KCNH8: variants seen among roughly 807,000 people sequenced by gnomAD.
KCNH8 encodes potassium voltage-gated channel subfamily H member 8, also known as voltage-gated delayed rectifier potassium channel KCNH8.
Under a neutral mutation model 103.6 loss-of-function variants are expected in KCNH8, and 70 were observed. The ratio of observed to expected loss-of-function variants is 0.68; its 90% CI spans 0.56 to 0.82. KCNH8 has a LOEUF of 0.82. Ranked by LOEUF, KCNH8 falls within the 40% of genes least tolerant of loss-of-function variation. The probability of loss-of-function intolerance (pLI) is 0.00; values close to 1 mark genes in which losing one functional copy is unlikely to be tolerated. For missense variants in KCNH8, 1,217 were observed against 1,329.9 expected, an observed-to-expected ratio of 0.92 and a Z score of 1.32; for synonymous variants, 498 against 489.4, an observed-to-expected ratio of 1.02 and a Z score of -0.23.
chr3:19,364,650 C>A (rs970384092), intron 5 of KCNH8, among the ~76,000 whole-genome samples: 14 of 151,618 alleles, frequency 9.2e-5, no homozygotes, highest in Non-Finnish European at 1.8e-4. Context: ...TGTCTTATCT[C>A]AAAAATGTAG....
intron 3 of KCNH8, among the ~76,000 whole-genome samples, chr3:19,287,118 A>AG (rs1406344694): frequency 5.3e-5 from 8 of 151,714 alleles, no homozygotes; most frequent in Non-Finnish European, 1.0e-4. Context: ...AAAAAAAAAA[A>AG]GGTCATAGGT....
intron 1 of KCNH8, among the ~76,000 whole-genome samples, chr3:19,196,034 CAA>C (rs2063598162): frequency 6.6e-6 from 1 of 151,774 alleles, no homozygotes; most frequent in African/African-American, 2.4e-5. Context: ...TAAAATAGCC[CAA>C]GTTAGTTTAT....
At chr3:19,524,259 T>C (rs908107632) in intron 15 of KCNH8, among the ~76,000 whole-genome samples, 16 of 151,930 alleles carry the variant, frequency 1.1e-4, no homozygotes, top group African/African-American at 3.9e-4. Context: ...TTCTTCATCC[T>C]GATCATATAT....
At chr3:19,371,451 G>C (rs1445490700) in intron 5 of KCNH8, among the ~76,000 whole-genome samples, 1 of 148,124 alleles carries the variant, frequency 6.8e-6, no homozygotes, top group Non-Finnish European at 1.5e-5. Flanking sequence ...ACTTTTTGAT[G>C]GGGTTGTTTG....
In KCNH8 at chr3:19,530,932, A is replaced by ATGAT. The variant is rs1015597216; in HGVS notation, c.2620-2462_2620-2459dup. Among the ~76,000 whole-genome samples the ATGAT allele has an allele frequency of 3.3e-5, 5 of 152,342 alleles. No individual in the cohort carries two copies. The South Asian group carries it at 1.0e-3, about 32-fold the overall frequency. The stretch of plus-strand genomic sequence containing the variant: ...TTGCTCCCATTTTACAAGTTGAGAA[A>ATGAT]TGATAGTACATCCCTGCCTTTCTCA... On this transcript the variant is annotated intron_variant, in intron 15 of 15. Coordinates refer to ENST00000328405, the MANE Select transcript of KCNH8 (RefSeq NM_144633.3).
intron 7 of KCNH8, among the ~76,000 whole-genome samples, chr3:19,410,180 A>T (rs2066755914): frequency 2.6e-5 from 4 of 152,262 alleles, no homozygotes; most frequent in Middle Eastern, 3.4e-3. Flanking sequence ...AAAACTAAAA[A>T]TCATACAAAC....
chr3:19,356,213 G>C (rs952750534), intron 5 of KCNH8, among the ~76,000 whole-genome samples: 5 of 151,918 alleles, frequency 3.3e-5, no homozygotes, highest in Admixed American at 6.6e-5. Flanking sequence ...CTCTTTTGGA[G>C]AGTCACAATA....
chr3:19,220,690 C>T (rs1247384699), intron 1 of KCNH8, among the ~76,000 whole-genome samples: 2 of 152,012 alleles, frequency 1.3e-5, no homozygotes, highest in Non-Finnish European at 2.9e-5. Flanking sequence ...CAAAGCAGCA[C>T]ATATGATCCC....
intron 5 of KCNH8, among the ~76,000 whole-genome samples, chr3:19,388,205 C>T (rs552443884): frequency 3.3e-5 from 5 of 152,034 alleles, no homozygotes; most frequent in Admixed American, 6.6e-5. Context: ...GCCTATATTG[C>T]GGAAACCAAA....
At chr3:19,340,325 A>G (rs180906663) in intron 3 of KCNH8, among the ~76,000 whole-genome samples, 10 of 150,242 alleles carry the variant, frequency 6.7e-5, no homozygotes, top group Non-Finnish European at 1.2e-4. Flanking sequence ...ATTGTGACAT[A>G]GATTCAATTT....
At chr3:19,238,606 A>G (rs995925482) in intron 1 of KCNH8, among the ~76,000 whole-genome samples, 1 of 152,226 alleles carries the variant, frequency 6.6e-6, no homozygotes, top group African/African-American at 2.4e-5. Context: ...CAATGCCAGA[A>G]GACCTTTTAC....
intron 2 of KCNH8, among the ~76,000 whole-genome samples, chr3:19,270,450 A>G (rs1169404857): frequency 2.0e-5 from 3 of 152,068 alleles, no homozygotes; most frequent in Non-Finnish European, 4.4e-5. Flanking sequence ...GCACAAATTT[A>G]TTTTTCACAA....
chr3:19,343,987 T>TTC (rs1300001710), intron 4 of KCNH8, among the ~76,000 whole-genome samples: 1 of 149,114 alleles, frequency 6.7e-6, no homozygotes, highest in African/African-American at 2.5e-5. Flanking sequence ...ACGCTTTGAT[T>TTC]TTTTTTTTTT....
intron 6 of KCNH8, among the ~76,000 whole-genome samples, chr3:19,394,526 T>G (rs2066486080): frequency 6.6e-6 from 1 of 151,886 alleles, no homozygotes; most frequent in South Asian, 2.1e-4. Flanking sequence ...AGGCAAATGT[T>G]TCCTCTGTCC....
chr3:19,244,454 T>A (rs571260180), intron 1 of KCNH8, among the ~76,000 whole-genome samples: 3 of 152,186 alleles, frequency 2.0e-5, no homozygotes, highest in African/African-American at 7.2e-5. Flanking sequence ...GTTGTTGTTA[T>A]AATGATCTAT....
At chr3:19,406,798 TG>T (rs1409775624) in intron 7 of KCNH8, among the ~76,000 whole-genome samples, 1 of 152,146 alleles carries the variant, frequency 6.6e-6, no homozygotes, top group African/African-American at 2.4e-5. Flanking sequence ...GGCCTCATAA[TG>T]TAGTGGGGAG....
chr3:19,288,599 A>G (rs908906661), intron 3 of KCNH8, among the ~76,000 whole-genome samples: 2 of 152,090 alleles, frequency 1.3e-5, no homozygotes, highest in Non-Finnish European at 1.5e-5. Flanking sequence ...CATGGTGTAT[A>G]TGTGCCACAT....
chr3:19,373,657 A>C (rs1321985385), intron 5 of KCNH8, among the ~76,000 whole-genome samples: 2 of 151,188 alleles, frequency 1.3e-5, no homozygotes, highest in East Asian at 3.9e-4. Flanking sequence ...CTAGCTTTTG[A>C]ATGTGTTTGC....
chr3:19,490,623 T>C (rs2125223649), intron 11 of KCNH8, among the ~76,000 whole-genome samples: 1 of 152,376 alleles, frequency 6.6e-6, no homozygotes, highest in South Asian at 2.1e-4. Flanking sequence ...ATTTCATTTC[T>C]GCCTTTCAGT....
Sources: gnomAD v4.1 joint callset for allele counts (sites outside exome capture counted in the v4.1 genomes callset) on GRCh38, gnomAD v4.1.1 for gene constraint, MANE v1.5 for transcripts, NCBI Gene and HGNC (gene_info 2026-07-23, HGNC 2026-07-21) for gene names.